GARNL3: variants seen among roughly 807,000 people sequenced by gnomAD.
GARNL3 encodes the protein GTPase activating Rap/RanGAP domain like 3.
GARNL3 carries 63 observed loss-of-function variants against 125.0 expected under a neutral mutation model. The ratio of observed to expected loss-of-function variants is 0.50; its 90% confidence interval spans 0.41 to 0.62. GARNL3 has a LOEUF of 0.62. GARNL3 is among the 20% of genes least tolerant of loss of function. The pLI is 0.00. For missense variants in GARNL3, 994 were observed against 1,244.0 expected (o/e 0.80, Z 3.02); for synonymous variants, 439 against 457.5 (o/e 0.96, Z 0.52).
At chr9:127,320,514 C>G (rs1162100874) in intron 5 of GARNL3, among the ~76,000 whole-genome samples, 1 of 152,210 alleles carries the variant, frequency 6.6e-6, no homozygotes, top group Non-Finnish European at 1.5e-5. Flanking sequence ...CTCTCCCTCT[C>G]TTATGAGTAT....
At chr9:127,312,512 G>A (rs2065124008) in intron 3 of GARNL3, among the ~76,000 whole-genome samples, 2 of 152,126 alleles carry the variant, frequency 1.3e-5, no homozygotes, top group South Asian at 4.1e-4. Context: ...GGGCTCAAGT[G>A]AAAATATACA....
intron 1 of GARNL3, among the ~76,000 whole-genome samples, chr9:127,231,916 A>G (rs1354780534): frequency 6.6e-6 from 1 of 152,226 alleles, no homozygotes; most frequent in Non-Finnish European, 1.5e-5. Flanking sequence ...TAACACGCTC[A>G]TAAATAATGC....
At chr9:127,363,345 T>A (rs1419553497) in intron 21 of GARNL3, 1 of 152,332 alleles carries the variant, frequency 6.6e-6, no homozygotes, top group Non-Finnish European at 1.5e-5. Context: ...CCTTGTTTTA[T>A]GTACTTATGT....
At chr9:127,365,400 T>G in intron 22 of GARNL3, 34 bp downstream of exon 22, 1 of 1,502,670 alleles carries the variant, frequency 6.7e-7, no homozygotes, top group African/African-American at 1.4e-5. Context: ...CTTTATTTGC[T>G]TAAATGGACT....
At chr9:127,336,054 TTA>T in intron 10 of GARNL3, 72 bp from the exon 11 acceptor site, 1 of 1,075,630 alleles carries the variant, frequency 9.3e-7, no homozygotes, top group East Asian at 2.4e-5. Context: ...TTATATTGGG[TTA>T]TGTTTTTTTA....
chr9:127,310,736 T>C (rs1299524525), intron 2 of GARNL3, among the ~76,000 whole-genome samples: 1 of 146,538 alleles, frequency 6.8e-6, no homozygotes, highest in Non-Finnish European at 1.5e-5. Context: ...ATGGCACCAC[T>C]GCACTCCAGC....
intron 22 of GARNL3, among the ~76,000 whole-genome samples, chr9:127,372,881 G>A (rs943090096): frequency 1.3e-5 from 2 of 152,200 alleles, no homozygotes; most frequent in African/African-American, 4.8e-5. Flanking sequence ...GTGGAAGCTT[G>A]GAGTCAGGGG....
rs554224781 is a variant in GARNL3, at chr9:127,286,188, C to G, written c.145-4980C>G. Reference sequence around the variant, plus strand: ...AAAGTCTCTTTTCTGGACTCTTCTCCCAGAAGAATAACAAAGGGCTGGATG... The same window carrying G: ...AAAGTCTCTTTTCTGGACTCTTCTCGCAGAAGAATAACAAAGGGCTGGATG... On this transcript the variant is annotated intron_variant, in intron 1 of 27. Coordinates refer to ENST00000373387, the MANE Select transcript of GARNL3 (RefSeq NM_032293.5). 7.8e-4 allele frequency among the ~76,000 whole-genome samples: 119 copies of G among 152,280 alleles called. 5 individuals carry two copies. In the South Asian group the frequency reaches 0.022, roughly 29 times the overall value.
chr9:127,257,333 T>C (rs1310886018), intron 2 of GARNL3, among the ~76,000 whole-genome samples: 1 of 152,242 alleles, frequency 6.6e-6, no homozygotes, highest in Non-Finnish European at 1.5e-5. Context: ...ATTTCACTTA[T>C]AAGAAACTGC....
intron 2 of GARNL3, among the ~76,000 whole-genome samples, chr9:127,249,169 G>T (rs991733159): frequency 6.6e-6 from 1 of 152,158 alleles, no homozygotes; most frequent in African/African-American, 2.4e-5. Flanking sequence ...CAGTTAGAAG[G>T]CCTCTGTAGC....
At chr9:127,368,878 T>C (rs1831448653) in intron 22 of GARNL3, 1 of 152,268 alleles carries the variant, frequency 6.6e-6, no homozygotes, top group South Asian at 2.1e-4. Flanking sequence ...GAGGTTGCAG[T>C]GAGCTGAGAT....
chr9:127,267,459 T>C (rs1182626040), intron 1 of GARNL3, among the ~76,000 whole-genome samples: 1 of 152,184 alleles, frequency 6.6e-6, no homozygotes. Flanking sequence ...TGTCTTCTTA[T>C]ATAGTCTTCA....
intron 22 of GARNL3, among the ~76,000 whole-genome samples, chr9:127,378,619 G>A (rs1275275631): frequency 1.3e-5 from 2 of 150,164 alleles, no homozygotes; most frequent in African/African-American, 2.4e-5. Context: ...ATAAAGGCAT[G>A]AGCACCCATT....
chr9:127,353,604 G>A (rs543952402), intron 17 of GARNL3: 12 of 422,658 alleles, frequency 2.8e-5, no homozygotes, highest in Admixed American at 9.3e-5. Flanking sequence ...CTGCTGCTAC[G>A]CCCCCTATAT....
chr9:127,296,985 C>T (rs1177948875), intron 2 of GARNL3, among the ~76,000 whole-genome samples: 1 of 152,126 alleles, frequency 6.6e-6, no homozygotes. Context: ...CCTTATCACT[C>T]AGGAGCTCTG....
intron 23 of GARNL3, among the ~76,000 whole-genome samples, chr9:127,383,844 G>A (rs975423609): frequency 6.6e-6 from 1 of 151,978 alleles, no homozygotes; most frequent in South Asian, 2.1e-4. Context: ...TTCATTTCTG[G>A]GCCTCACTTT....
intron 12 of GARNL3, among the ~76,000 whole-genome samples, chr9:127,338,653 T>C (rs941262248): frequency 6.6e-6 from 1 of 152,122 alleles, no homozygotes; most frequent in African/African-American, 2.4e-5. Flanking sequence ...CCGGCAGGTG[T>C]AGTGACAATC....
chr9:127,356,128 C>G (rs1830676336), intron 20 of GARNL3, among the ~76,000 whole-genome samples: 1 of 152,170 alleles, frequency 6.6e-6, no homozygotes, highest in African/African-American at 2.4e-5. Context: ...AGATGGGAAA[C>G]CACTGGAAGG....
In GARNL3 at chr9:127,385,969, G is replaced by A. The variant is rs757495594; in HGVS notation, c.2388+824G>A. ...ATATGTATGATATGTGTACATATCTGCATGTATGTATCATATGCGTGTACA... is the reference window on the plus strand; with the variant it reads ...ATATGTATGATATGTGTACATATCTACATGTATGTATCATATGCGTGTACA... On this transcript the variant is annotated intron_variant, in intron 24 of 27. Transcript: ENST00000373387. The surrounding 1 kb of genome is among the most constrained non-coding windows in gnomAD (Gnocchi z 4.1). Among the ~76,000 whole-genome samples the A allele has an allele frequency of 2.6e-5, 4 of 152,202 alleles. No homozygotes were observed. The highest frequency in any genetic ancestry group is 5.9e-5 in the Non-Finnish European group (4 of 68,040).
Sources: allele counts gnomAD v4.1 joint callset (sites outside exome capture counted in the v4.1 genomes callset), GRCh38; gene constraint gnomAD v4.1.1; non-coding constraint Gnocchi (gnomAD v3.1); transcripts MANE v1.5; gene names NCBI Gene and HGNC (gene_info 2026-07-23, HGNC 2026-07-21).